The following ADGRB3 variants were observed in gnomAD, a reference collection of about 807,000 sequenced individuals.
ADGRB3 encodes the protein adhesion G protein-coupled receptor B3, also known as brain-specific angiogenesis inhibitor 3.
In ADGRB3, 37 loss-of-function variants were observed where a neutral mutation model predicts 193.4. The observed-to-expected ratio is 0.19, with a 90% confidence interval of 0.15 to 0.25. The LOEUF is 0.25. ADGRB3 is among the 10% of genes least tolerant of loss of function. The pLI is 1.00. For missense variants in ADGRB3, 1,637 were observed against 1,852.9 expected (o/e 0.88, Z 2.14); for synonymous variants, 690 against 644.2 (o/e 1.07, Z -1.08).
intron 26 of ADGRB3, among the ~76,000 whole-genome samples, chr6:69,341,157 T>C: frequency 6.6e-6 from 1 of 152,186 alleles, no homozygotes; most frequent in East Asian, 1.9e-4. Context: ...GGTCAAATGG[T>C]ATTTCTAGTT....
At chr6:69,055,527 C>T (rs936374219) in intron 15 of ADGRB3, among the ~76,000 whole-genome samples, 1 of 152,098 alleles carries the variant, frequency 6.6e-6, no homozygotes, top group African/African-American at 2.4e-5. Flanking sequence ...TTTTCTTCAT[C>T]CATTCTTCCA....
At chr6:68,692,721 T>A (rs2127303201) in intron 3 of ADGRB3, among the ~76,000 whole-genome samples, 1 of 151,840 alleles carries the variant, frequency 6.6e-6, no homozygotes, top group Non-Finnish European at 1.5e-5. Context: ...AGCATTAATG[T>A]TGTACAAGTT....
At position 68,741,097 on chromosome 6, in the gene ADGRB3, G is replaced by GA. The variant is rs565351923; in HGVS notation, c.757+101674dup. Among the ~76,000 whole-genome samples, 414 of 150,620 alleles carry GA rather than the reference G, an allele frequency of 2.7e-3. 2 individuals are homozygous for GA. Among genetic ancestry groups the GA allele is most frequent in the Non-Finnish European group, 4.3e-3 (288 of 67,586 alleles). ...AACCATTTGTCAGTTTGCTTGACAG[G>GA]AAAAAAAAATGAAACAAATGCATGC... On this transcript the variant is annotated intron_variant, in intron 3 of 31. Coordinates refer to ENST00000370598, the MANE Select transcript of ADGRB3 (RefSeq NM_001704.3).
chr6:69,229,875 A>G (rs1364740883), intron 17 of ADGRB3, among the ~76,000 whole-genome samples: 1 of 152,238 alleles, frequency 6.6e-6, no homozygotes, highest in African/African-American at 2.4e-5. Flanking sequence ...CATCAAGTAA[A>G]TATTAAGCTA....
chr6:68,647,857 T>G (rs1768251889), intron 3 of ADGRB3, among the ~76,000 whole-genome samples: 1 of 152,174 alleles, frequency 6.6e-6, no homozygotes, highest in African/African-American at 2.4e-5. Flanking sequence ...AAAGGATGAC[T>G]TAGCTGGAAT....
chr6:68,936,265 T>C (rs946889037), intron 4 of ADGRB3, among the ~76,000 whole-genome samples: 9 of 152,218 alleles, frequency 5.9e-5, no homozygotes, highest in African/African-American at 2.2e-4. Flanking sequence ...TCCTTCATAG[T>C]GTCCATGGTA....
intron 5 of ADGRB3, among the ~76,000 whole-genome samples, chr6:68,938,399 T>C (rs1256285939): frequency 6.7e-6 from 1 of 150,330 alleles, no homozygotes; most frequent in African/African-American, 2.5e-5. Flanking sequence ...AACTGGCAGG[T>C]AACATGTATG....
In ADGRB3 at chr6:68,888,542, T is replaced by TACACACACACACACAC. The variant is rs5877179; in HGVS notation, c.758-41999_758-41984dup. On this transcript the variant is annotated intron_variant, in intron 3 of 31. Coordinates refer to ENST00000370598, the MANE Select transcript of ADGRB3 (RefSeq NM_001704.3). ...TTCAGTTCCTTTTTTGGGTAATAGATACACACACACACACACACACACACA... is the reference window on the plus strand; with the variant it reads ...TTCAGTTCCTTTTTTGGGTAATAGATACACACACACACACACACACACACACACACACACACACACA... 2.6e-3 allele frequency among the ~76,000 whole-genome samples: 380 copies of TACACACACACACACAC among 146,170 alleles called. 1 individual carries two copies. Among genetic ancestry groups the TACACACACACACACAC allele is most frequent in the Non-Finnish European group, 4.9e-3 (325 of 66,568 alleles).
chr6:68,752,275 CTTTTT>C (rs66760335), intron 3 of ADGRB3, among the ~76,000 whole-genome samples: 1 of 129,280 alleles, frequency 7.7e-6, no homozygotes, highest in Non-Finnish European at 1.6e-5. Context: ...GCAGAATATT[CTTTTT>C]TTTTTTTTTT....
intron 10 of ADGRB3, among the ~76,000 whole-genome samples, chr6:68,981,085 G>T (rs1041722628): frequency 1.3e-5 from 2 of 151,512 alleles, no homozygotes; most frequent in Non-Finnish European, 3.0e-5. Flanking sequence ...TAGTACTCAA[G>T]ACATAGCATT....
intron 13 of ADGRB3, among the ~76,000 whole-genome samples, chr6:69,042,225 A>T (rs1052942286): frequency 6.6e-6 from 1 of 152,064 alleles, no homozygotes; most frequent in South Asian, 2.1e-4. Context: ...AGTCAATTAA[A>T]CCTCTTTTCT....
intron 8 of ADGRB3, among the ~76,000 whole-genome samples, chr6:68,962,144 C>T (rs1171711206): frequency 6.6e-6 from 1 of 152,120 alleles, no homozygotes; most frequent in Non-Finnish European, 1.5e-5. Context: ...CAAGTCACTT[C>T]AGATAAATAG....
intron 3 of ADGRB3, among the ~76,000 whole-genome samples, chr6:68,749,292 CT>C (rs1766146352): frequency 6.6e-6 from 1 of 152,126 alleles, no homozygotes; most frequent in South Asian, 2.1e-4. Context: ...ATTTTCCAAA[CT>C]TTTATGCTCT....
intron 3 of ADGRB3, among the ~76,000 whole-genome samples, chr6:68,819,645 GGCAAAACTTACTA>G (rs1376601085): frequency 6.7e-6 from 1 of 148,384 alleles, no homozygotes; most frequent in Non-Finnish European, 1.5e-5. Context: ...AAAGTTCCAA[GGCAAAACTTACTA>G]TTTCCCCATG....
intron 20 of ADGRB3, among the ~76,000 whole-genome samples, chr6:69,286,579 G>A (rs1767557268): frequency 6.6e-6 from 1 of 152,158 alleles, no homozygotes; most frequent in Non-Finnish European, 1.5e-5. Context: ...CCAGAGGAAG[G>A]CCTGCCAAAA....
At chr6:68,839,061 C>T (rs368694525) in intron 3 of ADGRB3, among the ~76,000 whole-genome samples, 1 of 109,940 alleles carries the variant, frequency 9.1e-6, no homozygotes, top group East Asian at 2.1e-4. Flanking sequence ...CTCTTCCTTC[C>T]TCTCTCTCTG....
intron 20 of ADGRB3, among the ~76,000 whole-genome samples, chr6:69,277,986 C>A (rs761482089): frequency 9.9e-5 from 15 of 152,208 alleles, no homozygotes; most frequent in Admixed American, 9.2e-4. Flanking sequence ...GCACTCTATA[C>A]CGTGAATAGT....
At chr6:69,374,405 A>G (rs1483046604) in intron 30 of ADGRB3, among the ~76,000 whole-genome samples, 1 of 151,994 alleles carries the variant, frequency 6.6e-6, no homozygotes, top group East Asian at 1.9e-4. Flanking sequence ...AAGCTCCCTG[A>G]CACTCCTGCT....
chr6:68,761,078 G>A (rs763451926), intron 3 of ADGRB3, among the ~76,000 whole-genome samples: 10 of 152,212 alleles, frequency 6.6e-5, no homozygotes, highest in Admixed American at 3.9e-4. Context: ...CTCCTCCAGC[G>A]GATGTTCTCA....
Sources: allele counts gnomAD v4.1 joint callset (sites outside exome capture counted in the v4.1 genomes callset), GRCh38; gene constraint gnomAD v4.1.1; transcripts MANE v1.5; gene names NCBI Gene and HGNC (gene_info 2026-07-23, HGNC 2026-07-21).